Variants in RBFOX1 observed in about 807,000 individuals in gnomAD.
The protein encoded by RBFOX1 is RNA binding fox-1 homolog 1, also known as RNA binding protein fox-1 homolog 1.
RBFOX1 carries 8 observed loss-of-function variants against 57.7 expected under a neutral mutation model. The ratio of observed to expected loss-of-function variants is 0.14; its 90% CI spans 0.08 to 0.25. The LOEUF is 0.25. Ranked by LOEUF, RBFOX1 falls within the 10% of genes least tolerant of loss-of-function variation. RBFOX1 has a pLI of 1.00. For synonymous variants in RBFOX1, 326 were observed against 222.4 expected (o/e 1.47, Z -4.15); for missense variants, 611 against 548.5 (o/e 1.11, Z -1.14).
chr16:7,295,651 T>G (rs2095874124), intron 4 of RBFOX1, among the ~76,000 whole-genome samples: 1 of 151,948 alleles, frequency 6.6e-6, no homozygotes, highest in East Asian at 1.9e-4. Flanking sequence ...CTCCAAAAGG[T>G]GTACTGCTCA....
chr16:5,301,314 C>T (rs1172764395), intron 1 of RBFOX1, among the ~76,000 whole-genome samples: 1 of 152,012 alleles, frequency 6.6e-6, no homozygotes, highest in Admixed American at 6.6e-5. Context: ...TACAGACTTC[C>T]AACAGCTATA....
chr16:6,866,212 G>T (rs1023280513), intron 3 of RBFOX1, among the ~76,000 whole-genome samples: 9 of 151,784 alleles, frequency 5.9e-5, no homozygotes, highest in African/African-American at 2.2e-4. Context: ...TATTACTTCA[G>T]TGTCTTCTCA....
intron 4 of RBFOX1, chr16:7,431,189 A>G (rs771405123): frequency 7.9e-5 from 12 of 152,056 alleles, no homozygotes; most frequent in Non-Finnish European, 1.8e-4. Flanking sequence ...CCTTAACTCT[A>G]ACAAGGGATC....
At chr16:7,402,728 C>A (rs554360798) in intron 4 of RBFOX1, among the ~76,000 whole-genome samples, 3 of 152,220 alleles carry the variant, frequency 2.0e-5, no homozygotes, top group African/African-American at 7.2e-5. Context: ...TTTCATATAA[C>A]GTGACTTTGA....
intron 3 of RBFOX1, among the ~76,000 whole-genome samples, chr16:6,686,179 G>A (rs775338050): frequency 5.9e-5 from 9 of 152,276 alleles, no homozygotes; most frequent in South Asian, 4.1e-4. Flanking sequence ...AAATCCCTTC[G>A]ATGTAATCAG....
intron 2 of RBFOX1, among the ~76,000 whole-genome samples, chr16:5,468,445 G>A (rs1485221755): frequency 2.6e-5 from 4 of 152,298 alleles, no homozygotes; most frequent in South Asian, 2.1e-4. Context: ...GAATCATATA[G>A]TAAGTGGCCT....
At chr16:6,614,136 A>AT (rs1318279405) in intron 2 of RBFOX1, among the ~76,000 whole-genome samples, 2 of 152,140 alleles carry the variant, frequency 1.3e-5, no homozygotes, top group Non-Finnish European at 2.9e-5. Flanking sequence ...AAAATATTGA[A>AT]TTTCCCATGT....
chr16:5,683,878 A>G (rs1278555232), intron 3 of RBFOX1, among the ~76,000 whole-genome samples: 1 of 151,184 alleles, frequency 6.6e-6, no homozygotes, highest in East Asian at 1.9e-4. Context: ...ATGTATGTAA[A>G]ATTGCCTAAG....
intron 1 of RBFOX1, chr16:6,056,842 C>CTTTTTTTTTTTTTTTTT (rs61605263): frequency 2.0e-5 from 3 of 148,630 alleles, no homozygotes; most frequent in African/African-American, 2.5e-5. Context: ...AGACTTAAGA[C>CTTTTTTTTTTTTTTTTT]TTTTTTTTTT....
intron 4 of RBFOX1, among the ~76,000 whole-genome samples, chr16:7,143,374 C>T (rs528226382): frequency 2.0e-5 from 3 of 152,132 alleles, no homozygotes; most frequent in African/African-American, 7.2e-5. Context: ...GAACATTAAA[C>T]GACCCAAGAA....
At chr16:6,345,525 C>T (rs1000975171) in intron 2 of RBFOX1, among the ~76,000 whole-genome samples, 4 of 152,118 alleles carry the variant, frequency 2.6e-5, no homozygotes, top group Non-Finnish European at 2.9e-5. Flanking sequence ...GTCCTCTATC[C>T]GACCTGGTAT....
At chr16:6,002,040 C>A (rs1378174448) in intron 4 of RBFOX1, among the ~76,000 whole-genome samples, 1 of 151,434 alleles carries the variant, frequency 6.6e-6, no homozygotes, top group African/African-American at 2.4e-5. Flanking sequence ...GATTTCAGCC[C>A]CTGGGCTGAA....
chr16:5,311,818 T>A (rs2064098109), intron 1 of RBFOX1, among the ~76,000 whole-genome samples: 1 of 152,226 alleles, frequency 6.6e-6, no homozygotes, highest in African/African-American at 2.4e-5. Context: ...CTCTTGTTGC[T>A]GTCAATCTAG....
intron 1 of RBFOX1, among the ~76,000 whole-genome samples, chr16:5,436,413 G>T (rs1397995727): frequency 6.6e-6 from 1 of 152,172 alleles, no homozygotes; most frequent in African/African-American, 2.4e-5. Context: ...CTCATACAAA[G>T]CCTGGTCTTC....
At chr16:6,891,434 C>G (rs552294258) in intron 3 of RBFOX1, among the ~76,000 whole-genome samples, 1 of 152,034 alleles carries the variant, frequency 6.6e-6, no homozygotes, top group Admixed American at 6.5e-5. Context: ...CTAATAGTAC[C>G]TTGTTGATGA....
Position 5,244,096 on chromosome 16 carries a change from C to T in RBFOX1, c.219+3991C>T, listed in dbSNP as rs549124442. The stretch of plus-strand genomic sequence containing the variant: ...ATTTTTGGTAGATATGAGGTTTCAC[C>T]ACGTTGGCCAGGCTGGTCTCAAACT... On this transcript the variant is annotated intron_variant, in intron 1 of 2. Transcript: ENST00000585867. Among the ~76,000 whole-genome samples, 16 of 152,160 alleles carry T rather than the reference C, an allele frequency of 1.1e-4. No homozygotes were observed. The South Asian group carries it at 3.1e-3, about 30-fold the overall frequency.
intron 1 of RBFOX1, among the ~76,000 whole-genome samples, chr16:6,164,927 G>A (rs1195128839): frequency 2.0e-5 from 3 of 152,130 alleles, no homozygotes; most frequent in Non-Finnish European, 4.4e-5. Flanking sequence ...AGGATCATAA[G>A]TAAAGTTTGG....
At chr16:5,633,616 G>A (rs2048589264) in intron 3 of RBFOX1, among the ~76,000 whole-genome samples, 1 of 152,142 alleles carries the variant, frequency 6.6e-6, no homozygotes, top group Admixed American at 6.5e-5. Flanking sequence ...GCTCACGCCT[G>A]TAATCCCAGC....
At chr16:7,498,740 G>C (rs2069579610) in intron 4 of RBFOX1, among the ~76,000 whole-genome samples, 1 of 152,160 alleles carries the variant, frequency 6.6e-6, no homozygotes, top group South Asian at 2.1e-4. Flanking sequence ...CACATGGCTA[G>C]TGGCTACCAT....
Sources: gnomAD v4.1 joint callset for allele counts (sites outside exome capture counted in the v4.1 genomes callset) on GRCh38, gnomAD v4.1.1 for gene constraint, MANE v1.5 for transcripts, NCBI Gene and HGNC (gene_info 2026-07-23, HGNC 2026-07-21) for gene names.